CYTH3: variants seen among roughly 807,000 people sequenced by gnomAD.
The protein encoded by CYTH3 is cytohesin-3.
In CYTH3, 23 loss-of-function variants were observed where a neutral mutation model predicts 55.1. The observed-to-expected ratio is 0.42, with a 90% CI of 0.30 to 0.59. The LOEUF (loss-of-function observed/expected upper bound fraction) is 0.59, where lower values mean the gene tolerates loss of function less well. CYTH3 is among the 20% of genes least tolerant of loss of function. The pLI, the probability that CYTH3 is intolerant of heterozygous loss-of-function variation, is 0.20. For missense variants in CYTH3, 413 were observed against 524.8 expected (o/e 0.79, Z 2.08); for synonymous variants, 249 against 194.9 (o/e 1.28, Z -2.31).
chr7:6,259,809 ATATAATATATATATATATATATATTTTT>A (rs1780293189), intron 1 of CYTH3, among the ~76,000 whole-genome samples: 8 of 26,280 alleles, frequency 3.0e-4, no homozygotes, highest in Admixed American at 2.0e-3. Context: ...ATATATATAT[ATATAATATATATATATATATATATTTTT>A]TTTTTTTTTT....
chr7:6,247,788 G>T (rs1425366443), intron 1 of CYTH3, among the ~76,000 whole-genome samples: 1 of 152,056 alleles, frequency 6.6e-6, no homozygotes, highest in African/African-American at 2.4e-5. Flanking sequence ...GGGACCACAG[G>T]TGCAGCGTGT....
At position 6,164,848 on chromosome 7, in the gene CYTH3, G is replaced by A; in HGVS notation, c.*96C>T. On this transcript the variant is annotated 3_prime_UTR_variant, in exon 13 of 13. Transcript: ENST00000350796. ...CTGGAGCAGCAGCTTGCACCGCAGG[G>A]CGACTGCCTCCCTGCCACGCCTTCC... The A allele has an allele frequency of 2.2e-6, 3 of 1,368,386 alleles. No homozygotes were observed. The highest frequency in any genetic ancestry group is 3.1e-6 in the Non-Finnish European group (3 of 962,560). The allele number at this position is 1,368,386 out of a possible 1,614,324, so 84.8% of individuals were successfully genotyped here.
At chr7:6,248,685 C>A (rs1445755224) in intron 1 of CYTH3, among the ~76,000 whole-genome samples, 1 of 152,232 alleles carries the variant, frequency 6.6e-6, no homozygotes, top group African/African-American at 2.4e-5. Context: ...GTCATCAGGC[C>A]TCCCTCGCTC....
Position 6,163,994 on chromosome 7 carries a change from G to A in CYTH3, c.*950C>T, listed in dbSNP as rs931086017. 2 of 152,234 alleles carry A rather than the reference G, an allele frequency of 1.3e-5. No individual in the cohort carries two copies. Among genetic ancestry groups the A allele is most frequent in the African/African-American group, 4.8e-5 (2 of 41,456 alleles). The allele number at this position is 152,234 out of a possible 1,614,324, so 9.4% of individuals were successfully genotyped here. A position where few individuals can be genotyped will look rare whatever the true frequency, so the allele number is the denominator to read the frequency against. On this transcript the variant is annotated 3_prime_UTR_variant, in exon 13 of 13. Transcript: ENST00000350796. ...TCAGCGTATGGACCATCTGTGTCCA[G>A]GGAAAAGGCTGTTTCCTAGGAGTTA...
intron 1 of CYTH3, 105 bp downstream of exon 1, chr7:6,272,369 C>G: frequency 9.0e-7 from 1 of 1,113,368 alleles, no homozygotes; most frequent in Non-Finnish European, 1.1e-6. Flanking sequence ...TGCCCCCGAC[C>G]CCGTCTCCTC....
At chr7:6,228,799 A>C (rs1255810938) in intron 1 of CYTH3, among the ~76,000 whole-genome samples, 2 of 152,196 alleles carry the variant, frequency 1.3e-5, no homozygotes, top group Non-Finnish European at 2.9e-5. Context: ...CCCCTTTTTA[A>C]ATAGATTTCT....
At chr7:6,264,934 C>A (rs1017470183) in intron 1 of CYTH3, among the ~76,000 whole-genome samples, 2 of 152,104 alleles carry the variant, frequency 1.3e-5, no homozygotes, top group Non-Finnish European at 2.9e-5. Flanking sequence ...CTGACAGTAA[C>A]AATGAATGTG....
At chr7:6,251,907 C>A (rs1481403539) in intron 1 of CYTH3, among the ~76,000 whole-genome samples, 1 of 152,094 alleles carries the variant, frequency 6.6e-6, no homozygotes, top group Non-Finnish European at 1.5e-5. Context: ...AGAAATCTGA[C>A]CCCCTTAATG....
chr7:6,173,752 A>C lies in CYTH3; in HGVS notation c.369-19T>G. 2.1e-6 allele frequency: 3 copies of C among 1,446,728 alleles called. No individual in the cohort carries two copies. Among genetic ancestry groups the C allele is most frequent in the Non-Finnish European group, 1.9e-6 (2 of 1,027,292 alleles). 89.6% of individuals were successfully genotyped at this position (1,446,728 alleles called of 1,614,324 possible). On this transcript the variant is annotated intron_variant, in intron 5 of 12. Coordinates refer to ENST00000350796, the MANE Select transcript of CYTH3 (RefSeq NM_004227.4). ...TTCATCCCTGGGAAAAAAAGAAGTA[A>C]GTTTCAAACCTAATGTACATTATCG...
At chr7:6,186,484 T>C (rs1008707753) in intron 4 of CYTH3, among the ~76,000 whole-genome samples, 1 of 152,132 alleles carries the variant, frequency 6.6e-6, no homozygotes, top group Non-Finnish European at 1.5e-5. Flanking sequence ...GGTTTTCGAG[T>C]GTCTCCCTAG....
At chr7:6,249,775 T>C (rs1161573862) in intron 1 of CYTH3, among the ~76,000 whole-genome samples, 1 of 152,190 alleles carries the variant, frequency 6.6e-6, no homozygotes, top group Non-Finnish European at 1.5e-5. Context: ...GGTGTACATC[T>C]CGATGTCTTG....
chr7:6,189,620 C>A (rs1226444728), intron 2 of CYTH3, among the ~76,000 whole-genome samples: 2 of 152,064 alleles, frequency 1.3e-5, no homozygotes, highest in Non-Finnish European at 2.9e-5. Flanking sequence ...AATGTGTCAT[C>A]CTACTCCTAC....
At chr7:6,259,829 TA>T (rs1464348276) in intron 1 of CYTH3, among the ~76,000 whole-genome samples, 356 of 21,770 alleles carry the variant, frequency 0.016, 12 homozygotes, top group Middle Eastern at 0.029. Context: ...TATATATATA[TA>T]TATTTTTTTT....
chr7:6,191,901 ACC>A (rs1202039414), intron 1 of CYTH3, among the ~76,000 whole-genome samples: 1 of 151,632 alleles, frequency 6.6e-6, no homozygotes, highest in East Asian at 1.9e-4. Flanking sequence ...ATACAGTGGG[ACC>A]CCCATCTGAA....
At position 6,272,549 on chromosome 7, in the gene CYTH3, C is replaced by G. The variant is rs889168384; in HGVS notation, c.-42G>C. On this transcript the variant is annotated 5_prime_UTR_variant, in exon 1 of 13. Transcript: ENST00000350796. ...CAGCCGGCGAGCCGGGGGCCGGCAG[C>G]AGAGGGGCCGCGGGCTGGGGACGCC... is the stretch of plus-strand genomic sequence containing the variant. 3.1e-6 allele frequency: 4 copies of G among 1,281,898 alleles called. No individual in the cohort carries two copies. The highest frequency in any genetic ancestry group is 1.6e-5 in the African/African-American group (1 of 63,558). The allele number at this position is 1,281,898 out of a possible 1,614,324, so 79.4% of individuals were successfully genotyped here.
intron 1 of CYTH3, among the ~76,000 whole-genome samples, chr7:6,259,809 A>G (rs1298145753): frequency 3.8e-5 from 1 of 26,278 alleles, no homozygotes; most frequent in East Asian, 1.4e-3. Flanking sequence ...ATATATATAT[A>G]TATAATATAT....
intron 1 of CYTH3, among the ~76,000 whole-genome samples, chr7:6,263,331 C>A (rs1040548506): frequency 1.3e-5 from 2 of 152,188 alleles, no homozygotes; most frequent in African/African-American, 4.8e-5. Flanking sequence ...TACTCACAAG[C>A]CCCTAATGAG....
chr7:6,173,825 T>A, intron 5 of CYTH3, 92 bp from the exon 6 acceptor site: 1 of 790,426 alleles, frequency 1.3e-6, no homozygotes, highest in South Asian at 1.4e-5. Flanking sequence ...CTATGAACGT[T>A]CATGCACAAG....
chr7:6,266,879 G>A lies in CYTH3; in HGVS notation c.34+5595C>T, dbSNP rs559475580. On this transcript the variant is annotated intron_variant, in intron 1 of 12. Coordinates refer to ENST00000350796, the MANE Select transcript of CYTH3 (RefSeq NM_004227.4). Reference sequence around the variant, plus strand: ...CATGAACGTGGGAAATTTATCTGCCGTATTCACCACTGTTAGGCACTGATA... The same window carrying A: ...CATGAACGTGGGAAATTTATCTGCCATATTCACCACTGTTAGGCACTGATA... 2.6e-5 allele frequency among the ~76,000 whole-genome samples: 4 copies of A among 152,268 alleles called. No homozygotes were observed. The East Asian group carries it at 5.8e-4, about 22-fold the overall frequency.
Sources: gnomAD v4.1 joint callset for allele counts (sites outside exome capture counted in the v4.1 genomes callset) on GRCh38, gnomAD v4.1.1 for gene constraint, MANE v1.5 for transcripts, NCBI Gene and HGNC (gene_info 2026-07-23, HGNC 2026-07-21) for gene names.